ADGRB3: variants seen among roughly 807,000 people sequenced by gnomAD.
The protein encoded by ADGRB3 is adhesion G protein-coupled receptor B3, also known as brain-specific angiogenesis inhibitor 3.
In ADGRB3, 37 loss-of-function variants were observed where a neutral mutation model predicts 193.4. The observed-to-expected ratio is 0.19, with a 90% CI of 0.15 to 0.25. The LOEUF is 0.25. Among genes scored for constraint, ADGRB3 ranks in the 10% least tolerant of loss-of-function variants. ADGRB3 has a pLI of 1.00. For synonymous variants in ADGRB3, 690 were observed against 644.2 expected (o/e 1.07, Z -1.08); for missense variants, 1,637 against 1,852.9 (o/e 0.88, Z 2.14).
At chr6:68,859,353 C>T (rs1318356503) in intron 3 of ADGRB3, among the ~76,000 whole-genome samples, 2 of 152,156 alleles carry the variant, frequency 1.3e-5, no homozygotes, top group African/African-American at 4.8e-5. Context: ...TGAACTGTTC[C>T]AACCTCTGCC....
At chr6:69,270,913 A>G (rs1025781733) in intron 20 of ADGRB3, among the ~76,000 whole-genome samples, 5 of 152,218 alleles carry the variant, frequency 3.3e-5, no homozygotes, top group African/African-American at 1.2e-4. Context: ...CTTATATAGA[A>G]TAAGCATTTT....
At chr6:68,938,556 ACT>A (rs1270077851) in intron 5 of ADGRB3, among the ~76,000 whole-genome samples, 1 of 151,458 alleles carries the variant, frequency 6.6e-6, no homozygotes, top group Non-Finnish European at 1.5e-5. Context: ...TTTAACATCC[ACT>A]CTCTCTACAT....
intron 24 of ADGRB3, 31 bp from the exon 25 acceptor site, chr6:69,338,884 GT>G (rs1344448063): frequency 1.9e-6 from 3 of 1,581,554 alleles, no homozygotes; most frequent in Non-Finnish European, 2.6e-6. Flanking sequence ...TCAATATTTT[GT>G]TCTTTTTGTG....
Position 69,355,818 on chromosome 6 carries a change from C to A in ADGRB3, c.3556-3C>A. ...TTCTATGTCTTATTATTTATTGTTA[C>A]AGACAGACTTTGAAAAGGATGTAGA... On this transcript the variant is annotated splice_polypyrimidine_tract_variant and splice_region_variant and intron_variant, in intron 27 of 31. Transcript: ENST00000370598. 6.2e-7 allele frequency: 1 copy of A among 1,605,658 alleles called. No individual in the cohort carries two copies.
chr6:68,726,995 T>C (rs1765686140), intron 3 of ADGRB3, among the ~76,000 whole-genome samples: 1 of 151,560 alleles, frequency 6.6e-6, no homozygotes, highest in Non-Finnish European at 1.5e-5. Flanking sequence ...CAACTTCACA[T>C]GGCTTTTTGA....
At chr6:68,809,043 A>C (rs9294810) in intron 3 of ADGRB3, among the ~76,000 whole-genome samples, 110,026 of 151,906 alleles carry the variant, frequency 0.72, 40,259 homozygotes, top group East Asian at 0.87. Context: ...AACATTCCAA[A>C]CCCTGGCCTG....
intron 3 of ADGRB3, among the ~76,000 whole-genome samples, chr6:68,639,859 C>A (rs1399576543): frequency 6.6e-6 from 1 of 152,130 alleles, no homozygotes; most frequent in Non-Finnish European, 1.5e-5. Flanking sequence ...TCTCTCCTAT[C>A]CCCACGGAGT....
chr6:69,384,693 G>A (rs531351492), intron 31 of ADGRB3, among the ~76,000 whole-genome samples: 1 of 151,920 alleles, frequency 6.6e-6, no homozygotes, highest in East Asian at 1.9e-4. Context: ...TTCTAGAAGA[G>A]ATTTATAAAT....
At chr6:69,101,909 G>T (rs1773067707) in intron 17 of ADGRB3, among the ~76,000 whole-genome samples, 1 of 152,076 alleles carries the variant, frequency 6.6e-6, no homozygotes, top group Non-Finnish European at 1.5e-5. Context: ...AAGACTCTCG[G>T]CCGGGCTCAG....
At chr6:68,792,424 A>T (rs1767124445) in intron 3 of ADGRB3, among the ~76,000 whole-genome samples, 1 of 152,214 alleles carries the variant, frequency 6.6e-6, no homozygotes, top group Non-Finnish European at 1.5e-5. Flanking sequence ...ATTGCTAAAT[A>T]ACAGTAGGTA....
intron 17 of ADGRB3, among the ~76,000 whole-genome samples, chr6:69,158,690 T>G (rs1774910186): frequency 1.3e-5 from 2 of 152,150 alleles, no homozygotes; most frequent in Non-Finnish European, 2.9e-5. Context: ...TCAACATTAT[T>G]ACTAAAGTAC....
chr6:69,368,408 G>A (rs559777801), intron 29 of ADGRB3, among the ~76,000 whole-genome samples: 11 of 152,158 alleles, frequency 7.2e-5, no homozygotes, highest in South Asian at 2.1e-4. Context: ...TAGAACAGAT[G>A]GCACATGCTG....
intron 16 of ADGRB3, among the ~76,000 whole-genome samples, chr6:69,067,766 C>A (rs912953441): frequency 2.6e-5 from 4 of 152,134 alleles, no homozygotes; most frequent in South Asian, 2.1e-4. Flanking sequence ...CTTCCAACAA[C>A]TGAAATTGAG....
rs1562128801 is a variant in ADGRB3, at chr6:69,031,036, T to TTTC, written c.2107+12537_2107+12538insTTC. ...TTTTCTTTTTTTTTTCCTCTTCTCT[T>TTTC]CTCTCTTCTCTTCTCTTCTCTTCTC... On this transcript the variant is annotated intron_variant, in intron 13 of 31. Transcript: ENST00000370598. 4.1e-3 allele frequency among the ~76,000 whole-genome samples: 255 copies of TTTC among 62,650 alleles called. 38 individuals are homozygous for TTTC. The highest frequency in any genetic ancestry group is 6.1e-3 in the Non-Finnish European group (183 of 29,922). The allele number at this position is 62,650 out of a possible 152,430, so 41.1% of individuals were successfully genotyped here. A position where few individuals can be genotyped will look rare whatever the true frequency, so the allele number is the denominator to read the frequency against.
At chr6:69,000,488 C>G (rs1002143316) in intron 11 of ADGRB3, among the ~76,000 whole-genome samples, 1 of 151,604 alleles carries the variant, frequency 6.6e-6, no homozygotes, top group South Asian at 2.1e-4. Flanking sequence ...ATCTAACATA[C>G]TTATTTTCTA....
chr6:68,804,414 C>T (rs892027457), intron 3 of ADGRB3, among the ~76,000 whole-genome samples: 1 of 152,072 alleles, frequency 6.6e-6, no homozygotes, highest in Admixed American at 6.5e-5. Context: ...TTGTATGTGT[C>T]CTATAAGTTT....
intron 3 of ADGRB3, among the ~76,000 whole-genome samples, chr6:68,892,154 C>T (rs1343387640): frequency 6.6e-6 from 1 of 152,142 alleles, no homozygotes; most frequent in East Asian, 1.9e-4. Flanking sequence ...CTTTGTCTCA[C>T]TGAAATCAAT....
intron 8 of ADGRB3, among the ~76,000 whole-genome samples, chr6:68,974,525 CAA>C (rs1768683108): frequency 6.6e-6 from 1 of 151,980 alleles, no homozygotes; most frequent in Non-Finnish European, 1.5e-5. Flanking sequence ...CCTAGTTACT[CAA>C]GAGACTAAGG....
intron 3 of ADGRB3, among the ~76,000 whole-genome samples, chr6:68,816,618 A>G (rs1264996990): frequency 6.6e-6 from 1 of 152,054 alleles, no homozygotes; most frequent in Non-Finnish European, 1.5e-5. Context: ...ACTTTGCCTT[A>G]AAATTATTAA....
Sources: gnomAD v4.1 joint callset for allele counts (sites outside exome capture counted in the v4.1 genomes callset) on GRCh38, gnomAD v4.1.1 for gene constraint, MANE v1.5 for transcripts, NCBI Gene and HGNC (gene_info 2026-07-23, HGNC 2026-07-21) for gene names.